The following STPG2 variants were observed in gnomAD, a reference collection of about 807,000 sequenced individuals.
STPG2 encodes the protein sperm tail PG-rich repeat containing 2.
A neutral mutation model predicts 54.2 loss-of-function variants in STPG2; 56 were observed. The observed-to-expected ratio is 1.03, with a 90% confidence interval of 0.83 to 1.29. The LOEUF (loss-of-function observed/expected upper bound fraction) is 1.29, where lower values mean the gene tolerates loss of function less well. Ranked by LOEUF, STPG2 falls within the 50% of genes most tolerant of loss-of-function variation. STPG2 has a pLI of 0.00. For missense variants in STPG2, 596 were observed against 544.9 expected, an observed-to-expected ratio of 1.09 and a Z score of -0.93; for synonymous variants, 200 against 181.8, an observed-to-expected ratio of 1.10 and a Z score of -0.81.
intron 4 of STPG2, among the ~76,000 whole-genome samples, chr4:97,538,819 G>A (rs1731610343): frequency 2.0e-5 from 3 of 152,210 alleles, no homozygotes; most frequent in Admixed American, 1.3e-4. Flanking sequence ...ACAAAGGGAA[G>A]CACATCAGAC....
At chr4:97,637,031 CA>C (rs1458451546) in intron 10 of STPG2, among the ~76,000 whole-genome samples, 1 of 152,096 alleles carries the variant, frequency 6.6e-6, no homozygotes, top group Non-Finnish European at 1.5e-5. Flanking sequence ...CGGGCAGAGA[CA>C]AAACCAAAAA....
chr4:98,040,204 T>C (rs1398941879), intron 5 of STPG2, among the ~76,000 whole-genome samples: 1 of 151,930 alleles, frequency 6.6e-6, no homozygotes, highest in Non-Finnish European at 1.5e-5. Context: ...GAGTTACTTG[T>C]AGATTATGGA....
At chr4:97,984,292 A>G (rs1734764510) in intron 5 of STPG2, among the ~76,000 whole-genome samples, 1 of 152,110 alleles carries the variant, frequency 6.6e-6, no homozygotes, top group African/African-American at 2.4e-5. Flanking sequence ...TTACAAGCAC[A>G]TGCCACAATG....
intron 5 of STPG2, among the ~76,000 whole-genome samples, chr4:98,034,328 G>T (rs1736699827): frequency 6.6e-6 from 1 of 151,986 alleles, no homozygotes; most frequent in South Asian, 2.1e-4. Context: ...AGCCAAATCA[G>T]GAGTGAACTC....
At chr4:97,901,547 G>A (rs1425024622) in intron 8 of STPG2, among the ~76,000 whole-genome samples, 1 of 151,732 alleles carries the variant, frequency 6.6e-6, no homozygotes, top group Non-Finnish European at 1.5e-5. Flanking sequence ...CAAACTATTT[G>A]TTAAAGACAT....
At chr4:97,705,503 T>A (rs1723913560) in intron 10 of STPG2, among the ~76,000 whole-genome samples, 1 of 151,954 alleles carries the variant, frequency 6.6e-6, no homozygotes, top group South Asian at 2.1e-4. Flanking sequence ...TTTTTGTATC[T>A]TTAGTCGAGA....
chr4:98,025,222 A>G (rs13110903), intron 5 of STPG2, among the ~76,000 whole-genome samples: 59,988 of 152,098 alleles, frequency 0.39, 12,065 homozygotes, highest in Middle Eastern at 0.46. Context: ...TAAGGAAAGT[A>G]TCAAACCTTT....
At chr4:97,478,549 T>C (rs1315719602) in intron 4 of STPG2, among the ~76,000 whole-genome samples, 1 of 152,112 alleles carries the variant, frequency 6.6e-6, no homozygotes, top group African/African-American at 2.4e-5. Flanking sequence ...CATTTTGTCC[T>C]GAATCTTAAA....
chr4:97,845,783 G>A (rs1180168296), intron 8 of STPG2, among the ~76,000 whole-genome samples: 1 of 152,098 alleles, frequency 6.6e-6, no homozygotes, highest in Non-Finnish European at 1.5e-5. Context: ...AATAATAGGA[G>A]GATTTTTATG....
chr4:97,685,905 C>G (rs755380621), intron 10 of STPG2, among the ~76,000 whole-genome samples: 1 of 152,102 alleles, frequency 6.6e-6, no homozygotes, highest in Non-Finnish European at 1.5e-5. Flanking sequence ...CAGTGTGCAA[C>G]ACAAAGAATA....
At chr4:97,792,900 G>T (rs765680033) in intron 9 of STPG2, among the ~76,000 whole-genome samples, 2 of 151,804 alleles carry the variant, frequency 1.3e-5, no homozygotes, top group Non-Finnish European at 2.9e-5. Flanking sequence ...GTCTGTAATC[G>T]CAGCACTTTG....
chr4:97,701,207 G>T (rs913240242), intron 10 of STPG2, among the ~76,000 whole-genome samples: 2 of 152,126 alleles, frequency 1.3e-5, no homozygotes, highest in African/African-American at 4.8e-5. Context: ...CCAATGTGGG[G>T]GTCCTGCCAG....
At chr4:97,971,982 G>A (rs183079900) in intron 7 of STPG2, among the ~76,000 whole-genome samples, 6 of 151,846 alleles carry the variant, frequency 4.0e-5, no homozygotes, top group East Asian at 3.9e-4. Flanking sequence ...TTTGTGCTAC[G>A]TGGTTTAAAC....
chr4:97,838,859 C>T (rs182719249), intron 9 of STPG2, among the ~76,000 whole-genome samples: 5 of 151,558 alleles, frequency 3.3e-5, no homozygotes, highest in Admixed American at 2.6e-4. Context: ...GTCCATATGG[C>T]TTTTTCCAAT....
chr4:97,831,989 A>T (rs1728483700), intron 9 of STPG2, among the ~76,000 whole-genome samples: 1 of 152,200 alleles, frequency 6.6e-6, no homozygotes, highest in South Asian at 2.1e-4. Context: ...CAAACAATAG[A>T]AAAGAAGGAA....
At chr4:97,603,389 T>C (rs375789915) in intron 10 of STPG2, among the ~76,000 whole-genome samples, 1 of 151,714 alleles carries the variant, frequency 6.6e-6, no homozygotes, top group Admixed American at 6.6e-5. Context: ...GTAGCTACTA[T>C]GGTAAACAGT....
chr4:98,132,053 T>C (rs75594938), intron 2 of STPG2, among the ~76,000 whole-genome samples: 4 of 152,098 alleles, frequency 2.6e-5, no homozygotes, highest in African/African-American at 9.7e-5. Context: ...AATTTTAAGC[T>C]TTTTTACTTC....
chr4:97,909,611 AC>A (rs1227090770), intron 8 of STPG2, among the ~76,000 whole-genome samples: 1 of 152,142 alleles, frequency 6.6e-6, no homozygotes, highest in Admixed American at 6.5e-5. Context: ...CATCAAAAAC[AC>A]CTACATTTTA....
At chr4:97,737,692 C>A (rs1051247152) in intron 9 of STPG2, among the ~76,000 whole-genome samples, 1 of 152,152 alleles carries the variant, frequency 6.6e-6, no homozygotes, top group African/African-American at 2.4e-5. Flanking sequence ...ACAAAGCATT[C>A]AAGAAATATG....
Sources: allele counts gnomAD v4.1 joint callset (sites outside exome capture counted in the v4.1 genomes callset), GRCh38; gene constraint gnomAD v4.1.1; transcripts MANE v1.5; gene names NCBI Gene and HGNC (gene_info 2026-07-23, HGNC 2026-07-21).